Variants in SNED1 observed in about 807,000 individuals in gnomAD.
The protein encoded by SNED1 is sushi, nidogen and EGF-like domain-containing protein 1.
SNED1 carries 81 observed loss-of-function variants against 166.7 expected under a neutral mutation model. That is an observed-to-expected ratio of 0.49 (90% CI 0.41 to 0.58). The LOEUF is 0.58. Ranked by LOEUF, SNED1 falls within the 20% of genes least tolerant of loss-of-function variation. The pLI, the probability that SNED1 is intolerant of heterozygous loss-of-function variation, is 0.00. For missense variants in SNED1, 1,604 were observed against 2,000.2 expected (o/e 0.80, Z 3.78); for synonymous variants, 762 against 822.0 (o/e 0.93, Z 1.25).
At chr2:241,065,783 G>A (rs1037492097) in intron 21 of SNED1, among the ~76,000 whole-genome samples, 188 bp downstream of exon 21, 3 of 152,206 alleles carry the variant, frequency 2.0e-5, no homozygotes, top group Non-Finnish European at 2.9e-5. Flanking sequence ...GAGTGGCCTT[G>A]GGTCCACAAG....
chr2:241,088,548 T>TCCCG, intron 31 of SNED1, 146 bp downstream of exon 31: 1 of 681,684 alleles, frequency 1.5e-6, no homozygotes, highest in Non-Finnish European at 2.6e-6. Context: ...TGTTACAGAC[T>TCCCG]CCCGGGCAGG....
At chr2:241,027,597 T>C (rs1296918998) in intron 1 of SNED1, among the ~76,000 whole-genome samples, 1 of 152,224 alleles carries the variant, frequency 6.6e-6, no homozygotes, top group African/African-American at 2.4e-5. Flanking sequence ...TGCTGGGTCA[T>C]ATGGTAATTC....
In SNED1 at chr2:241,070,061, A is replaced by G. The variant is rs1372635764; in HGVS notation, c.3449A>G (p.Tyr1150Cys). 8 of 1,612,954 alleles carry G rather than the reference A, an allele frequency of 5.0e-6. No individual in the cohort carries two copies. Among genetic ancestry groups the G allele is most frequent in the Non-Finnish European group, 8.5e-7 (1 of 1,179,892 alleles). The change falls in exon 24 of 32, where the codon TAT (tyrosine) becomes TGT (cysteine). Residue 1150 changes from tyrosine (Y) to cysteine (C), a missense_variant. By Grantham distance (194) the Tyr-to-Cys change is radical. Transcript: ENST00000310397. Reference protein sequence around the residue: ...VTTSQSTKSRYVPNGKLASYT... With the variant: ...VTTSQSTKSRCVPNGKLASYT... ...ACCAGCCAGAGCACCAAGAGCCGCTATGTCCCCAACGGGAAGCTGGCGTCC... is the reference window on the plus strand; with the variant it reads ...ACCAGCCAGAGCACCAAGAGCCGCTGTGTCCCCAACGGGAAGCTGGCGTCC...
At chr2:241,065,667 G>A in intron 21 of SNED1, 72 bp downstream of exon 21, 2 of 1,342,988 alleles carry the variant, frequency 1.5e-6, no homozygotes. Context: ...CCCGGCACCT[G>A]CAGGGCGGCT....
At position 241,073,353 on chromosome 2, in the gene SNED1, A is replaced by T. The variant is rs1267204754; in HGVS notation, c.3905A>T (p.Lys1302Met). ...CTCCAGCTCCCTGAACACGGCAGCAAGGACATCGGAAGTGAGTCAGCAGCG... is the reference window on the plus strand; with the variant it reads ...CTCCAGCTCCCTGAACACGGCAGCATGGACATCGGAAGTGAGTCAGCAGCG... ...LALQLPEHGS[K>M]DIGNVPGNCS... Residue 1302 changes from lysine (K) to methionine (M), a missense_variant, in exon 27 of 32, where the codon AAG becomes ATG. Coordinates refer to ENST00000310397, the MANE Select transcript of SNED1 (RefSeq NM_001080437.3). This position sits in a 1 kb window ranked among gnomAD's most constrained non-coding sequence, Gnocchi z 6.6. 5.1e-6 allele frequency: 8 copies of T among 1,569,940 alleles called. No individual in the cohort carries two copies. Among genetic ancestry groups the T allele is most frequent in the Non-Finnish European group, 6.9e-6 (8 of 1,158,642 alleles).
chr2:241,062,803 G>A lies in SNED1; in HGVS notation c.2270G>A (p.Cys757Tyr). 6.2e-7 allele frequency: 1 copy of A among 1,609,608 alleles called. No homozygotes were observed. Among genetic ancestry groups the A allele is most frequent in the Non-Finnish European group, 8.5e-7 (1 of 1,177,872 alleles). Residue 757 changes from cysteine (C) to tyrosine (Y), a missense_variant, in exon 17 of 32, where the codon TGC becomes TAC. Transcript: ENST00000310397. Reference protein sequence around the residue: ...EPPQCLEIDECRSQPCLHGGS... With the variant: ...EPPQCLEIDEYRSQPCLHGGS... ...TCTCTCCTCTCAGAAATCGATGAGT[G>A]CCGGTCTCAGCCGTGCCTGCATGGG...
chr2:241,070,055 G>A lies in SNED1; in HGVS notation c.3443G>A (p.Ser1148Asn), dbSNP rs1407083580. ...INVTTSQSTK[S>N]RYVPNGKLAS... ...GTGACCACCAGCCAGAGCACCAAGA[G>A]CCGCTATGTCCCCAACGGGAAGCTG... Residue 1148 changes from serine (S) to asparagine (N), a missense_variant, in exon 24 of 32, where the codon AGC becomes AAC. Coordinates refer to ENST00000310397, the MANE Select transcript of SNED1 (RefSeq NM_001080437.3). 3.1e-6 allele frequency: 5 copies of A among 1,612,972 alleles called. No homozygotes were observed. Among genetic ancestry groups the A allele is most frequent in the Non-Finnish European group, 4.2e-6 (5 of 1,179,904 alleles).
At chr2:241,050,364 C>G (rs1035970625) in intron 12 of SNED1, among the ~76,000 whole-genome samples, 6 of 152,146 alleles carry the variant, frequency 3.9e-5, no homozygotes, top group Admixed American at 3.9e-4. Flanking sequence ...CCCGCCAGGC[C>G]CCACCCAGGA....
chr2:241,078,125 C>T (rs1469810307), intron 27 of SNED1, among the ~76,000 whole-genome samples: 18 of 152,292 alleles, frequency 1.2e-4, no homozygotes, highest in Admixed American at 1.2e-3. Flanking sequence ...TGGCTCACGC[C>T]TGTAATCCCA....
intron 6 of SNED1, 25 bp downstream of exon 6, chr2:241,037,378 C>T (rs769330135): frequency 4.4e-5 from 65 of 1,488,082 alleles, no homozygotes; most frequent in African/African-American, 5.5e-5. Context: ...CCGGGGCCCA[C>T]GGGGCCCTGC....
In SNED1 at chr2:241,068,389, C is replaced by T. The variant is rs184687462; in HGVS notation, c.3194+442C>T. Among the ~76,000 whole-genome samples the T allele has an allele frequency of 6.3e-4, 96 of 151,958 alleles. No individual in the cohort carries two copies. In the East Asian group the frequency reaches 0.016, roughly 26 times the overall value. On this transcript the variant is annotated intron_variant, in intron 22 of 31. Coordinates refer to ENST00000310397, the MANE Select transcript of SNED1 (RefSeq NM_001080437.3). This position sits in a 1 kb window ranked among gnomAD's most constrained non-coding sequence, Gnocchi z 5.3. ...CAGCCCCGAGCTCTCCCAGGAGTCC[C>T]ACAGTGGACCCCTGTGATTTGGTCG...
At chr2:241,071,925 C>A in intron 26 of SNED1, 47 bp downstream of exon 26, 1 of 1,408,306 alleles carries the variant, frequency 7.1e-7, no homozygotes, top group Non-Finnish European at 9.8e-7. Context: ...CACCCTCGTC[C>A]TCACTGCCAC....
At chr2:241,003,128 G>GC (rs1383113651) in intron 1 of SNED1, among the ~76,000 whole-genome samples, 4 of 144,778 alleles carry the variant, frequency 2.8e-5, no homozygotes, top group African/African-American at 5.1e-5. Flanking sequence ...CCTCCCCCGG[G>GC]CCCCCCGCTC....
Position 241,068,030 on chromosome 2 carries a change from A to AT in SNED1, c.3194+85dup. On this transcript the variant is annotated intron_variant, in intron 22 of 31. Coordinates refer to ENST00000310397, the MANE Select transcript of SNED1 (RefSeq NM_001080437.3). The surrounding 1 kb of genome is among the most constrained non-coding windows in gnomAD (Gnocchi z 5.3). ...GACACGGGGCCCAGGTCTCGGGCAC[A>AT]TTCTCCGTGTGTGGACTGTACCACC... is the stretch of plus-strand genomic sequence containing the variant. 3.1e-6 allele frequency: 4 copies of AT among 1,295,946 alleles called. No individual in the cohort carries two copies. Among genetic ancestry groups the AT allele is most frequent in the Non-Finnish European group, 3.2e-6 (3 of 935,962 alleles). 80.3% of individuals were successfully genotyped at this position (1,295,946 alleles called of 1,614,324 possible). A position where few individuals can be genotyped will look rare whatever the true frequency, so the allele number is the denominator to read the frequency against.
chr2:241,005,819 A>T (rs747730747), intron 1 of SNED1, among the ~76,000 whole-genome samples: 1 of 151,436 alleles, frequency 6.6e-6, no homozygotes, highest in African/African-American at 2.4e-5. Flanking sequence ...TCCTTTTAAG[A>T]TATTCTTTTT....
chr2:241,040,099 A>C lies in SNED1; in HGVS notation c.1070A>C (p.Glu357Ala). The C allele has an allele frequency of 6.3e-7, 1 of 1,593,620 alleles. No homozygotes were observed. The highest frequency in any genetic ancestry group is 2.3e-5 in the East Asian group (1 of 43,918). Residue 357 changes from glutamate (E) to alanine (A), a missense_variant, in exon 7 of 32, where the codon GAG becomes GCG. Physicochemically the swap from Glu to Ala is moderately radical, Grantham distance 107 (BLOSUM62 -1). This residue lies in a region of SNED1 where 1,237 missense variants were observed against 1,620.8 expected (regional missense o/e 0.76). Coordinates refer to ENST00000310397, the MANE Select transcript of SNED1 (RefSeq NM_001080437.3). ...GCCCAATCCCCCTGTGACACCAAAG[A>C]GTGTCAACATGGTGGCCAGTGCCAG... is the stretch of plus-strand genomic sequence containing the variant. ...ETAQSPCDTK[E>A]CQHGGQCQVE...
rs2074843 is a variant in SNED1, at chr2:241,068,424, G to A, written c.3194+477G>A. The stretch of plus-strand genomic sequence containing the variant: ...CCCTGTGATTTGGTCGCCAACCAAA[G>A]AGAAAGCTTCCGAATCGTGCTCAGC... On this transcript the variant is annotated intron_variant, in intron 22 of 31. Transcript: ENST00000310397. The surrounding 1 kb of genome is among the most constrained non-coding windows in gnomAD (Gnocchi z 5.3). 0.2 allele frequency among the ~76,000 whole-genome samples: 30,963 copies of A among 151,304 alleles called. 3,446 individuals carry two copies. Among genetic ancestry groups the A allele is most frequent in the Middle Eastern group, 0.3 (86 of 290 alleles).
At position 240,999,128 on chromosome 2, in the gene SNED1, T is replaced by G; in HGVS notation, c.213+78T>G. On this transcript the variant is annotated intron_variant, in intron 1 of 31. Transcript: ENST00000310397. This position sits in a 1 kb window ranked among gnomAD's most constrained non-coding sequence, Gnocchi z 5.8. ...CGGCCGCTGCCCGCCGGGCCCGGACTCCCGCCGCCGCCGCCAGCCACTTGG... is the reference window on the plus strand; with the variant it reads ...CGGCCGCTGCCCGCCGGGCCCGGACGCCCGCCGCCGCCGCCAGCCACTTGG... 1 of 898,288 alleles carries G rather than the reference T, an allele frequency of 1.1e-6. No individual in the cohort carries two copies. The highest frequency in any genetic ancestry group is 1.4e-6 in the Non-Finnish European group (1 of 694,976). The allele number at this position is 898,288 out of a possible 1,614,324, so 55.6% of individuals were successfully genotyped here.
At chr2:241,090,868 CAAA>C (rs371271027) in intron 31 of SNED1, among the ~76,000 whole-genome samples, 13 of 100,738 alleles carry the variant, frequency 1.3e-4, no homozygotes, top group Admixed American at 1.1e-4. Flanking sequence ...CCCTCTGTCT[CAAA>C]AAAAAAAAAA....
Sources: allele counts gnomAD v4.1 joint callset (sites outside exome capture counted in the v4.1 genomes callset), GRCh38; gene constraint gnomAD v4.1.1; regional missense constraint gnomAD v4.1.1; non-coding constraint Gnocchi (gnomAD v3.1); transcripts MANE v1.5; gene names NCBI Gene and HGNC (gene_info 2026-07-23, HGNC 2026-07-21).